ABLIM1: variants seen among roughly 807,000 people sequenced by gnomAD.
ABLIM1 encodes the protein actin-binding LIM protein 1.
In ABLIM1, 40 loss-of-function variants were observed where a neutral mutation model predicts 107.0. The ratio of observed to expected loss-of-function variants is 0.37; its 90% confidence interval spans 0.29 to 0.49. The LOEUF (loss-of-function observed/expected upper bound fraction) is 0.49. Among genes scored for constraint, ABLIM1 ranks in the 20% least tolerant of loss-of-function variants. ABLIM1 has a pLI of 0.97. For synonymous variants in ABLIM1, 357 were observed against 357.3 expected (o/e 1.00, Z 0.01); for missense variants, 857 against 1,008.5 (o/e 0.85, Z 2.04).
intron 1 of ABLIM1, among the ~76,000 whole-genome samples, chr10:114,605,416 T>C (rs890982922): frequency 2.6e-5 from 4 of 152,122 alleles, no homozygotes; most frequent in African/African-American, 4.8e-5. Flanking sequence ...ACTTGACTGT[T>C]CCATCTTTCA....
At chr10:114,658,819 T>C (rs1479965662), upstream of ABLIM1, among the ~76,000 whole-genome samples, 2 of 152,214 alleles carry the variant, frequency 1.3e-5, no homozygotes, top group Non-Finnish European at 2.9e-5. Context: ...CCTCATTCCA[T>C]TAAGCCAATG....
intron 11 of ABLIM1, among the ~76,000 whole-genome samples, chr10:114,467,699 C>T (rs2065474526): frequency 6.6e-6 from 1 of 152,094 alleles, no homozygotes; most frequent in Non-Finnish European, 1.5e-5. Flanking sequence ...CAGAGATTCC[C>T]TAAAAGTAGT....
At chr10:114,580,707 CA>C (rs2139178539) in intron 2 of ABLIM1, among the ~76,000 whole-genome samples, 1 of 151,974 alleles carries the variant, frequency 6.6e-6, no homozygotes, top group Admixed American at 6.6e-5. Context: ...TTTTTTTTAA[CA>C]AAATTTTGGT....
Position 114,499,005 on chromosome 10 carries a change from C to T in ABLIM1, c.895-7127G>A, listed in dbSNP as rs72641348. Among the ~76,000 whole-genome samples the T allele has an allele frequency of 1.8e-3, 279 of 152,318 alleles. 5 individuals carry two copies. In the East Asian group the frequency reaches 0.043, roughly 24 times the overall value. On this transcript the variant is annotated intron_variant, in intron 6 of 22. Transcript: ENST00000533213. Reference sequence around the variant, plus strand: ...CTATGAGGTAGGTCGGTGCTATTTTCCAGTCTTGTTCTACAAGCAAGGAAA... The same window carrying T: ...CTATGAGGTAGGTCGGTGCTATTTTTCAGTCTTGTTCTACAAGCAAGGAAA...
At chr10:114,591,684 C>T (rs1279204748) in intron 2 of ABLIM1, among the ~76,000 whole-genome samples, 1 of 152,160 alleles carries the variant, frequency 6.6e-6, no homozygotes, top group Admixed American at 6.5e-5. Flanking sequence ...GTCTTAGCGA[C>T]CTGGATTTAA....
Position 114,485,307 on chromosome 10 carries a change from G to A in ABLIM1, c.1041+2651C>T, listed in dbSNP as rs375779934. ...AGACACAATGCCAACCTGCAGAGAC[G>A]GAGACCGTCCTGTGCGTCGAATCAG... On this transcript the variant is annotated intron_variant, in intron 8 of 22. Transcript: ENST00000533213. 2.8e-4 allele frequency: 449 copies of A among 1,610,966 alleles called. 2 individuals carry two copies. In the South Asian group the frequency reaches 3.2e-3, roughly 11 times the overall value.
At chr10:114,602,360 T>C (rs1360169057) in intron 1 of ABLIM1, among the ~76,000 whole-genome samples, 1 of 152,248 alleles carries the variant, frequency 6.6e-6, no homozygotes, top group African/African-American at 2.4e-5. Context: ...TCCTTGAAGA[T>C]GGGGACCATT....
At chr10:114,709,481 T>C (rs1321726359) in intron 1 of ABLIM1, among the ~76,000 whole-genome samples, 1 of 152,240 alleles carries the variant, frequency 6.6e-6, no homozygotes, top group Non-Finnish European at 1.5e-5. Context: ...CATATACATT[T>C]TTAATGGCCA....
rs2079619921 is a variant in ABLIM1, at chr10:114,658,222, A to G, written c.-22T>C. ...GCATCTTGGCATGGATTTCCAAGCAATGAGAAATGGGGAGTGGGGACCCAA... is the reference window on the plus strand; with the variant it reads ...GCATCTTGGCATGGATTTCCAAGCAGTGAGAAATGGGGAGTGGGGACCCAA... On this transcript the variant is annotated 5_prime_UTR_variant, in exon 1 of 23. Coordinates refer to ENST00000533213, the MANE Select transcript of ABLIM1 (RefSeq NM_002313.7). The G allele has an allele frequency of 1.3e-6, 2 of 1,592,432 alleles. No individual in the cohort carries two copies. The highest frequency in any genetic ancestry group is 1.7e-6 in the Non-Finnish European group (2 of 1,165,364).
intron 8 of ABLIM1, among the ~76,000 whole-genome samples, chr10:114,484,662 C>T (rs1019428501): frequency 1.3e-5 from 2 of 152,164 alleles, no homozygotes; most frequent in African/African-American, 4.8e-5. Context: ...GGATTACAGG[C>T]GTGAGCCACT....
At chr10:114,589,143 A>G (rs191073817) in intron 2 of ABLIM1, among the ~76,000 whole-genome samples, 45 of 151,914 alleles carry the variant, frequency 3.0e-4, no homozygotes, top group Admixed American at 2.9e-3. Context: ...AAGCTTATAG[A>G]ACAAGGATAT....
upstream of ABLIM1, among the ~76,000 whole-genome samples, chr10:114,662,636 G>T (rs2079843044): frequency 6.6e-6 from 1 of 152,144 alleles, no homozygotes; most frequent in African/African-American, 2.4e-5. Flanking sequence ...CCATCCCTCT[G>T]CATGCAGCTG....
At chr10:114,447,716 C>G (rs757018570) in intron 15 of ABLIM1, among the ~76,000 whole-genome samples, 164 bp downstream of exon 15, 3 of 152,212 alleles carry the variant, frequency 2.0e-5, no homozygotes, top group Non-Finnish European at 4.4e-5. Context: ...GCGTTTTGTA[C>G]AACAAGTTAA....
At chr10:114,711,498 C>G (rs1053525514) in intron 1 of ABLIM1, among the ~76,000 whole-genome samples, 4 of 152,196 alleles carry the variant, frequency 2.6e-5, no homozygotes, top group African/African-American at 9.7e-5. Flanking sequence ...TGCCAGCCCC[C>G]ACGCTAAACC....
upstream of ABLIM1, among the ~76,000 whole-genome samples, chr10:114,687,435 AAGG>A (rs1445977707): frequency 6.6e-6 from 1 of 152,214 alleles, no homozygotes; most frequent in Non-Finnish European, 1.5e-5. Context: ...GAGGATATAT[AAGG>A]AGAACAATTC....
chr10:114,575,481 C>T lies in ABLIM1; in HGVS notation c.498G>A (p.Glu166=), dbSNP rs1565982426. 1.2e-6 allele frequency: 2 copies of T among 1,614,224 alleles called. No homozygotes were observed. Among genetic ancestry groups the T allele is most frequent in the Non-Finnish European group, 1.7e-6 (2 of 1,180,044 alleles). ...TGCCCAGAGCAGTCACCACTTCGCC[C>T]TCCACGAACTCCCCACAGCCATGGC... The part of the protein sequence containing the change: ...TRCHGCGEFV[E]GEVVTALGKT... Residue 166 remains glutamate (E), a synonymous_variant, in exon 3 of 23, where the codon GAG becomes GAA. Transcript: ENST00000533213.
chr10:114,469,856 C>T (rs1049407217), intron 10 of ABLIM1, among the ~76,000 whole-genome samples: 1 of 152,178 alleles, frequency 6.6e-6, no homozygotes, highest in African/African-American at 2.4e-5. Context: ...TCAAACAGAG[C>T]TATGGAGAAC....
intron 1 of ABLIM1, among the ~76,000 whole-genome samples, chr10:114,632,953 T>C (rs1231516405): frequency 6.6e-6 from 1 of 152,144 alleles, no homozygotes; most frequent in African/African-American, 2.4e-5. Flanking sequence ...TGTCCTGCTG[T>C]CCTGTGAGCT....
chr10:114,670,628 T>G (rs10885594), intron 1 of ABLIM1, among the ~76,000 whole-genome samples: 82,761 of 152,004 alleles, frequency 0.54, 22,614 homozygotes, highest in East Asian at 0.66. Context: ...GAGTAGCTGA[T>G]ACTACAGGCA....
Sources: allele counts gnomAD v4.1 joint callset (sites outside exome capture counted in the v4.1 genomes callset), GRCh38; gene constraint gnomAD v4.1.1; transcripts MANE v1.5; gene names NCBI Gene and HGNC (gene_info 2026-07-23, HGNC 2026-07-21).